Variants in CAP2 observed in about 807,000 individuals in gnomAD.
The protein encoded by CAP2 is cyclase associated actin cytoskeleton regulatory protein 2.
Under a neutral mutation model 57.7 loss-of-function variants are expected in CAP2, and 24 were observed. The observed-to-expected ratio is 0.42, with a 90% CI of 0.30 to 0.58. CAP2 has a LOEUF of 0.58. Among genes scored for constraint, CAP2 ranks in the 20% least tolerant of loss-of-function variants. The probability of loss-of-function intolerance (pLI) is 0.22; values close to 1 mark genes in which losing one functional copy is unlikely to be tolerated. For missense variants in CAP2, 501 were observed against 590.3 expected, an observed-to-expected ratio of 0.85 and a Z score of 1.57; for synonymous variants, 194 against 207.2, an observed-to-expected ratio of 0.94 and a Z score of 0.55.
chr6:17,413,591 A>G (rs1759196664), intron 1 of CAP2, among the ~76,000 whole-genome samples: 3 of 152,216 alleles, frequency 2.0e-5, no homozygotes, highest in African/African-American at 4.8e-5. Context: ...TGAAACAAAC[A>G]TATTCAATGA....
intron 3 of CAP2, among the ~76,000 whole-genome samples, chr6:17,440,587 G>T (rs541917593): frequency 8.8e-5 from 13 of 148,486 alleles, no homozygotes; most frequent in Middle Eastern, 3.4e-3. Flanking sequence ...TATGATGCTT[G>T]TTTTGGGCTG....
chr6:17,455,949 G>A (rs982257481), intron 3 of CAP2, among the ~76,000 whole-genome samples: 37 of 152,206 alleles, frequency 2.4e-4, no homozygotes, highest in African/African-American at 8.2e-4. Flanking sequence ...TGTGGTTGCT[G>A]CTGACTTGTA....
rs1204767760 is a variant in CAP2, at chr6:17,456,136, T to C, written c.223-6860T>C. On this transcript the variant is annotated intron_variant, in intron 3 of 12. Transcript: ENST00000229922. ...AGCATCAGCCTCACCTGAGAACTTG[T>C]AGAAATGCGAATTCTCGGGCCAACC... Among the ~76,000 whole-genome samples the C allele has an allele frequency of 4.6e-5, 7 of 152,234 alleles. No individual in the cohort carries two copies. In the East Asian group the frequency reaches 1.3e-3, roughly 29 times the overall value.
intron 4 of CAP2, among the ~76,000 whole-genome samples, chr6:17,469,798 C>T (rs1356646529): frequency 6.6e-6 from 1 of 152,128 alleles, no homozygotes; most frequent in African/African-American, 2.4e-5. Context: ...GCCGTTCCTC[C>T]ATCTCTGAGT....
At position 17,490,827 on chromosome 6, in the gene CAP2, G is replaced by A. The variant is rs1282762645; in HGVS notation, c.301-16342G>A. Among the ~76,000 whole-genome samples the A allele has an allele frequency of 2.0e-5, 3 of 152,200 alleles. No individual in the cohort carries two copies. The East Asian group carries it at 5.8e-4, about 29-fold the overall frequency. ...AGGGGGTACCCAAAGGGCTTGGAAA[G>A]TGGCTGTTTGCCAACCACTATAAAG... On this transcript the variant is annotated intron_variant, in intron 4 of 12. Coordinates refer to ENST00000229922, the MANE Select transcript of CAP2 (RefSeq NM_006366.3).
intron 4 of CAP2, among the ~76,000 whole-genome samples, chr6:17,490,636 C>G (rs1761521770): frequency 6.6e-6 from 1 of 152,156 alleles, no homozygotes; most frequent in Admixed American, 6.5e-5. Flanking sequence ...AGAGGTCCTG[C>G]CCATGAGTTT....
intron 1 of CAP2, among the ~76,000 whole-genome samples, chr6:17,416,745 G>C (rs1370891475): frequency 6.6e-6 from 1 of 152,180 alleles, no homozygotes; most frequent in Non-Finnish European, 1.5e-5. Flanking sequence ...ACACAGAATG[G>C]AAGAGGGTAG....
At chr6:17,424,176 C>A (rs1438510121) in intron 2 of CAP2, among the ~76,000 whole-genome samples, 1 of 151,890 alleles carries the variant, frequency 6.6e-6, no homozygotes, top group Non-Finnish European at 1.5e-5. Flanking sequence ...CGCGGCGAGC[C>A]GATCACGAGG....
intron 3 of CAP2, among the ~76,000 whole-genome samples, chr6:17,433,556 T>C (rs1759797522): frequency 6.6e-6 from 1 of 152,202 alleles, no homozygotes; most frequent in South Asian, 2.1e-4. Context: ...CTACTGTGCC[T>C]CTTAGTGACC....
chr6:17,446,342 T>C (rs1453584738), intron 3 of CAP2, among the ~76,000 whole-genome samples: 2 of 152,234 alleles, frequency 1.3e-5, no homozygotes, highest in Non-Finnish European at 2.9e-5. Context: ...CAGCTGACTT[T>C]GGGTCTGATT....
At chr6:17,414,053 CAAA>C (rs34468074) in intron 1 of CAP2, among the ~76,000 whole-genome samples, 3 of 95,730 alleles carry the variant, frequency 3.1e-5, no homozygotes, top group Non-Finnish European at 5.0e-5. Context: ...GACTCTGTCT[CAAA>C]AAAAAAAAAA....
intron 4 of CAP2, among the ~76,000 whole-genome samples, chr6:17,478,297 C>CTTTTTTTTTT (rs58472723): frequency 1.9e-4 from 23 of 120,416 alleles, no homozygotes; most frequent in African/African-American, 7.6e-4. Flanking sequence ...ACTACACCTA[C>CTTTTTTTTTT]TTTTTTTTTT....
At chr6:17,415,461 G>GTTTTT (rs1759250302) in intron 1 of CAP2, among the ~76,000 whole-genome samples, 2 of 152,224 alleles carry the variant, frequency 1.3e-5, no homozygotes, top group Admixed American at 1.3e-4. Context: ...AACTAATCTA[G>GTTTTT]CATCTTCTTT....
chr6:17,478,259 C>G (rs1182070637), intron 4 of CAP2, among the ~76,000 whole-genome samples: 4 of 149,102 alleles, frequency 2.7e-5, no homozygotes, highest in Non-Finnish European at 5.9e-5. Context: ...CTCAGCCTCT[C>G]GAGTAGCTGG....
intron 1 of CAP2, among the ~76,000 whole-genome samples, chr6:17,407,772 C>T (rs904124609): frequency 1.4e-4 from 13 of 95,858 alleles, no homozygotes; most frequent in Non-Finnish European, 2.3e-4. Context: ...GAGCAAGACT[C>T]GGTCTCAAAA....
At chr6:17,465,966 T>TC (rs1417805864) in intron 4 of CAP2, among the ~76,000 whole-genome samples, 2 of 152,000 alleles carry the variant, frequency 1.3e-5, no homozygotes, top group African/African-American at 4.8e-5. Context: ...ACTCCCAGAT[T>TC]CCTTAGTTGC....
chr6:17,395,537 G>A lies in CAP2; in HGVS notation c.-2+1791G>A, dbSNP rs188139870. 4.4e-4 allele frequency among the ~76,000 whole-genome samples: 67 copies of A among 152,272 alleles called. 1 individual carries two copies. Among genetic ancestry groups the A allele is most frequent in the African/African-American group, 1.5e-3 (62 of 41,562 alleles). Reference sequence around the variant, plus strand: ...TTTGCTACTCCCACTGATTGATTCTGTGCTAGAATCTGGAGAGGAGCCTAT... The same window carrying A: ...TTTGCTACTCCCACTGATTGATTCTATGCTAGAATCTGGAGAGGAGCCTAT... On this transcript the variant is annotated intron_variant, in intron 1 of 12. Transcript: ENST00000229922.
At chr6:17,493,398 T>C in intron 4 of CAP2, 1 of 369,142 alleles carries the variant, frequency 2.7e-6, no homozygotes, top group South Asian at 2.1e-5. Flanking sequence ...TTTTAGGATA[T>C]AATGAGTAAT....
chr6:17,473,014 G>A (rs1307592196), intron 4 of CAP2, among the ~76,000 whole-genome samples: 1 of 151,710 alleles, frequency 6.6e-6, no homozygotes, highest in East Asian at 1.9e-4. Context: ...ATCCTGTCCT[G>A]TTGGAACATC....
Sources: allele counts gnomAD v4.1 joint callset (sites outside exome capture counted in the v4.1 genomes callset), GRCh38; gene constraint gnomAD v4.1.1; transcripts MANE v1.5; gene names NCBI Gene and HGNC (gene_info 2026-07-23, HGNC 2026-07-21).